Variants in NDST4 observed in about 807,000 individuals in gnomAD.
The protein encoded by NDST4 is N-deacetylase and N-sulfotransferase 4, also known as N-heparan sulfate sulfotransferase 4.
A neutral mutation model predicts 100.8 loss-of-function variants in NDST4; 63 were observed. The observed-to-expected ratio is 0.62, with a 90% CI of 0.51 to 0.77. The LOEUF (loss-of-function observed/expected upper bound fraction) is 0.77, where lower values mean the gene tolerates loss of function less well. Among genes scored for constraint, NDST4 ranks in the 30% least tolerant of loss-of-function variants. The pLI is 0.00. For missense variants in NDST4, 943 were observed against 1,018.4 expected, an observed-to-expected ratio of 0.93 and a Z score of 1.01; for synonymous variants, 377 against 361.8, an observed-to-expected ratio of 1.04 and a Z score of -0.48.
At chr4:115,062,152 A>G (rs533922759) in intron 2 of NDST4, among the ~76,000 whole-genome samples, 3 of 152,178 alleles carry the variant, frequency 2.0e-5, no homozygotes, top group African/African-American at 7.2e-5. Flanking sequence ...AAAATGTGAC[A>G]TAGTCAATGG....
At chr4:115,108,518 A>G (rs939862361) in intron 1 of NDST4, among the ~76,000 whole-genome samples, 1 of 151,974 alleles carries the variant, frequency 6.6e-6, no homozygotes, top group African/African-American at 2.4e-5. Flanking sequence ...AGATATAAAA[A>G]TGATTTAGAG....
At chr4:114,899,670 T>C (rs928989780) in intron 6 of NDST4, among the ~76,000 whole-genome samples, 1 of 152,190 alleles carries the variant, frequency 6.6e-6, no homozygotes, top group Non-Finnish European at 1.5e-5. Context: ...TGAGCCAGCA[T>C]TGCATACTTG....
intron 2 of NDST4, among the ~76,000 whole-genome samples, chr4:115,006,055 A>G (rs1040806308): frequency 8.6e-5 from 13 of 150,668 alleles, no homozygotes; most frequent in African/African-American, 3.2e-4. Context: ...AAAAAGAAGA[A>G]GAAGAAGGAG....
chr4:115,001,833 T>C (rs1406602757), intron 2 of NDST4, among the ~76,000 whole-genome samples: 1 of 152,170 alleles, frequency 6.6e-6, no homozygotes, highest in Non-Finnish European at 1.5e-5. Context: ...TTTGTTTTCA[T>C]ATTCACTGTG....
chr4:114,854,923 T>A (rs1236007737), intron 7 of NDST4, among the ~76,000 whole-genome samples: 1 of 152,224 alleles, frequency 6.6e-6, no homozygotes, highest in Non-Finnish European at 1.5e-5. Context: ...CCCTTTTCTC[T>A]ACATCTTAAC....
At chr4:115,086,784 A>G (rs947692617) in intron 1 of NDST4, among the ~76,000 whole-genome samples, 3 of 152,088 alleles carry the variant, frequency 2.0e-5, no homozygotes, top group Non-Finnish European at 4.4e-5. Context: ...TTTTTTAAAA[A>G]TAAAGAGTCT....
chr4:114,948,088 AAG>A (rs1725908554), intron 4 of NDST4, among the ~76,000 whole-genome samples: 2 of 152,260 alleles, frequency 1.3e-5, no homozygotes, highest in South Asian at 4.1e-4. Context: ...ACTTTGCAGA[AAG>A]AGTAGATTAG....
At chr4:114,873,635 GT>G (rs1204507674) in intron 6 of NDST4, among the ~76,000 whole-genome samples, 1 of 151,866 alleles carries the variant, frequency 6.6e-6, no homozygotes, top group Non-Finnish European at 1.5e-5. Context: ...ACATAGCATG[GT>G]ATCAGTAGTT....
chr4:114,948,530 A>C (rs1335233251), intron 4 of NDST4, among the ~76,000 whole-genome samples: 1 of 152,090 alleles, frequency 6.6e-6, no homozygotes, highest in Non-Finnish European at 1.5e-5. Flanking sequence ...TTTTCTGTAG[A>C]CATGTTCACA....
At chr4:115,065,578 T>C (rs1405766888) in intron 2 of NDST4, among the ~76,000 whole-genome samples, 1 of 151,788 alleles carries the variant, frequency 6.6e-6, no homozygotes, top group Admixed American at 6.6e-5. Flanking sequence ...GCTCAATGAA[T>C]ACCTTATTTT....
intron 7 of NDST4, among the ~76,000 whole-genome samples, chr4:114,870,103 G>A (rs973191340): frequency 6.6e-6 from 1 of 152,058 alleles, no homozygotes; most frequent in Non-Finnish European, 1.5e-5. Flanking sequence ...CAAGAAAATG[G>A]GAGGCAACAT....
intron 9 of NDST4, among the ~76,000 whole-genome samples, chr4:114,846,777 C>T (rs72893324): frequency 0.038 from 5,769 of 152,222 alleles, 334 homozygotes; most frequent in African/African-American, 0.13. Context: ...ATTAAGAATT[C>T]ATATAAGACA....
chr4:114,994,810 T>C (rs1727124962), intron 2 of NDST4, among the ~76,000 whole-genome samples: 1 of 152,032 alleles, frequency 6.6e-6, no homozygotes, highest in Non-Finnish European at 1.5e-5. Context: ...TCATTTTTCC[T>C]GTTAATTAAT....
intron 6 of NDST4, among the ~76,000 whole-genome samples, chr4:114,916,880 C>T (rs367849316): frequency 1.3e-5 from 2 of 150,206 alleles, no homozygotes; most frequent in African/African-American, 2.4e-5. Context: ...CCATGAGAAC[C>T]GTACCCTTAA....
intron 6 of NDST4, among the ~76,000 whole-genome samples, chr4:114,926,491 T>C (rs553742044): frequency 1.3e-5 from 2 of 152,198 alleles, no homozygotes; most frequent in East Asian, 3.9e-4. Flanking sequence ...TAATGACATA[T>C]TTTGAAATGT....
chr4:115,022,605 A>G (rs1291864452), intron 2 of NDST4, among the ~76,000 whole-genome samples: 1 of 151,224 alleles, frequency 6.6e-6, no homozygotes, highest in Non-Finnish European at 1.5e-5. Flanking sequence ...GACTTATTCT[A>G]AGTGAAATAA....
At chr4:114,897,192 T>C (rs545476381) in intron 6 of NDST4, among the ~76,000 whole-genome samples, 6 of 152,168 alleles carry the variant, frequency 3.9e-5, no homozygotes, top group Non-Finnish European at 7.3e-5. Context: ...ATAGTATACA[T>C]AATAGTTCTG....
chr4:114,933,450 TTTTTG>T (rs1725558040), intron 6 of NDST4, among the ~76,000 whole-genome samples: 2 of 145,570 alleles, frequency 1.4e-5, no homozygotes, highest in African/African-American at 2.6e-5. Context: ...TTTTTTTTTT[TTTTTG>T]TGTGTAAAAA....
chr4:114,872,892 A>T (rs1724178884), intron 6 of NDST4, among the ~76,000 whole-genome samples: 1 of 152,004 alleles, frequency 6.6e-6, no homozygotes, highest in Admixed American at 6.6e-5. Flanking sequence ...ACATATATAT[A>T]CATTGAGTTT....
Sources: gnomAD v4.1 joint callset for allele counts (sites outside exome capture counted in the v4.1 genomes callset) on GRCh38, gnomAD v4.1.1 for gene constraint, MANE v1.5 for transcripts, NCBI Gene and HGNC (gene_info 2026-07-23, HGNC 2026-07-21) for gene names.